Variants in NLRP5 observed in about 807,000 individuals in gnomAD.
NLRP5 encodes NLR family pyrin domain containing 5.
In NLRP5, 93 loss-of-function variants were observed where a neutral mutation model predicts 113.1. The ratio of observed to expected loss-of-function variants is 0.82; its 90% CI spans 0.70 to 0.98. NLRP5 has a LOEUF of 0.98. Ranked by LOEUF, NLRP5 falls within the 50% of genes least tolerant of loss-of-function variation. The probability of loss-of-function intolerance (pLI) is 0.00; values close to 1 mark genes in which losing one functional copy is unlikely to be tolerated. For missense variants in NLRP5, 1,808 were observed against 1,514.3 expected (o/e 1.19, Z -3.22); for synonymous variants, 751 against 600.7 (o/e 1.25, Z -3.66).
intron 6 of NLRP5, among the ~76,000 whole-genome samples, chr19:56,024,788 A>G (rs972534527): frequency 2.6e-5 from 4 of 152,048 alleles, no homozygotes; most frequent in African/African-American, 9.7e-5. Flanking sequence ...AGGTGGGGAA[A>G]CTGAACAGCA....
At chr19:55,994,108 C>T in the NLRP5 span, among the ~76,000 whole-genome samples, 1 of 152,104 alleles carries the variant, frequency 6.6e-6, no homozygotes, top group African/African-American at 2.4e-5. Flanking sequence ...GAGTTTCTTT[C>T]TCTGCATCCT....
intron 12 of NLRP5, among the ~76,000 whole-genome samples, chr19:56,052,535 G>A (rs1228557749): frequency 1.3e-5 from 2 of 152,174 alleles, no homozygotes; most frequent in African/African-American, 2.4e-5. Flanking sequence ...CTCCCAAAGT[G>A]CTGGGATTAG....
chr19:56,006,597 T>G (rs987335148), intron 2 of NLRP5, among the ~76,000 whole-genome samples: 7 of 151,756 alleles, frequency 4.6e-5, no homozygotes, highest in Admixed American at 3.9e-4. Flanking sequence ...CCAGGCATGG[T>G]GGCACACACC....
chr19:55,999,623 T>C, upstream of NLRP5: 1 of 890,498 alleles, frequency 1.1e-6, no homozygotes, highest in Non-Finnish European at 1.9e-6. Context: ...GTTGCTTCAC[T>C]GAAACCTCAC....
chr19:56,018,631 G>C (rs2123291015), intron 4 of NLRP5: 1 of 152,222 alleles, frequency 6.6e-6, no homozygotes, highest in East Asian at 1.9e-4. Flanking sequence ...CTGTATTGCT[G>C]AGACTACAAT....
At chr19:55,987,109 C>G in the NLRP5 span, among the ~76,000 whole-genome samples, 8,916 of 152,324 alleles carry the variant, frequency 0.059, 362 homozygotes, top group Middle Eastern at 0.11. Context: ...TGGCTCACGC[C>G]TATAATCCCA....
chr19:55,998,053 T>C (rs772714838), upstream of NLRP5, among the ~76,000 whole-genome samples: 2 of 152,098 alleles, frequency 1.3e-5, no homozygotes, highest in Non-Finnish European at 2.9e-5. Context: ...CATGGTAGCA[T>C]ACACACACAC....
chr19:56,033,508 C>G, intron 8 of NLRP5, 34 bp from the exon 9 acceptor site: 3 of 1,534,834 alleles, frequency 2.0e-6, no homozygotes, highest in Non-Finnish European at 2.7e-6. Context: ...TAAACATCAC[C>G]AGTGTCGAAT....
chr19:55,998,897 C>T (rs903258973), upstream of NLRP5, among the ~76,000 whole-genome samples: 2 of 151,108 alleles, frequency 1.3e-5, no homozygotes, highest in Admixed American at 6.6e-5. Context: ...ATGTCCATTG[C>T]CTTAGTTACT....
At chr19:56,023,790 T>C (rs1982708726) in intron 6 of NLRP5, among the ~76,000 whole-genome samples, 1 of 152,214 alleles carries the variant, frequency 6.6e-6, no homozygotes, top group South Asian at 2.1e-4. Flanking sequence ...GGAACCCATC[T>C]TGGACTGATT....
At chr19:56,011,097 G>A (rs918549822) in intron 3 of NLRP5, among the ~76,000 whole-genome samples, 1 of 151,998 alleles carries the variant, frequency 6.6e-6, no homozygotes, top group Non-Finnish European at 1.5e-5. Flanking sequence ...AGGCTGCATT[G>A]AGCCATGATT....
At chr19:56,028,566 G>C in intron 7 of NLRP5, 57 bp downstream of exon 7, 1 of 1,492,628 alleles carries the variant, frequency 6.7e-7, no homozygotes, top group Non-Finnish European at 9.1e-7. Flanking sequence ...TGTCTCTACT[G>C]CTGGGACTTG....
Position 56,039,849 on chromosome 19 carries a change from G to A in NLRP5, c.2787-1073G>A, listed in dbSNP as rs140669482. ...GACTCACTTAAACCCGGGAGGCGTA[G>A]GTTGTGGTGAGCCAAGGTCACGCCA... On this transcript the variant is annotated intron_variant, in intron 10 of 14. Coordinates refer to ENST00000390649, the MANE Select transcript of NLRP5 (RefSeq NM_153447.4). Among the ~76,000 whole-genome samples, 254 of 152,276 alleles carry A rather than the reference G, an allele frequency of 1.7e-3. 1 individual carries two copies. Among genetic ancestry groups the A allele is most frequent in the African/African-American group, 5.3e-3 (220 of 41,562 alleles).
intron 11 of NLRP5, among the ~76,000 whole-genome samples, chr19:56,042,957 C>T (rs1298534869): frequency 6.9e-6 from 1 of 144,844 alleles, no homozygotes; most frequent in Non-Finnish European, 1.5e-5. Context: ...CATAGTATTC[C>T]ATCATATATG....
intron 2 of NLRP5, among the ~76,000 whole-genome samples, chr19:56,005,300 CAT>C (rs796298697): frequency 6.4e-4 from 94 of 145,958 alleles, no homozygotes; most frequent in South Asian, 1.7e-3. Flanking sequence ...TATATATACA[CAT>C]ATATATTTAT....
chr19:56,013,605 T>TTTTTTTTTTTTTTG (rs1982294036), intron 3 of NLRP5, among the ~76,000 whole-genome samples: 2 of 137,852 alleles, frequency 1.5e-5, no homozygotes, highest in African/African-American at 5.6e-5. Context: ...GGTTTTTTTT[T>TTTTTTTTTTTTTTG]TTTTTTTTTT....
chr19:56,011,351 G>C (rs1199179339), intron 3 of NLRP5, among the ~76,000 whole-genome samples: 1 of 152,022 alleles, frequency 6.6e-6, no homozygotes, highest in Non-Finnish European at 1.5e-5. Flanking sequence ...GGGAAACTTA[G>C]AGGGTGAGGA....
intron 11 of NLRP5, among the ~76,000 whole-genome samples, chr19:56,048,985 T>TA (rs1169607979): frequency 8.3e-4 from 110 of 132,744 alleles, no homozygotes; most frequent in African/African-American, 2.7e-3. Flanking sequence ...TTTAATTTTT[T>TA]TTTTTTTTTT....
At chr19:56,008,492 G>A (rs12460564) in intron 2 of NLRP5, among the ~76,000 whole-genome samples, 48 of 151,940 alleles carry the variant, frequency 3.2e-4, no homozygotes, top group African/African-American at 1.0e-3. Context: ...TCTTGAGGAG[G>A]ACTCCTGAAA....
Sources: allele counts gnomAD v4.1 joint callset (sites outside exome capture counted in the v4.1 genomes callset), GRCh38; gene constraint gnomAD v4.1.1; transcripts MANE v1.5; gene names NCBI Gene and HGNC (gene_info 2026-07-23, HGNC 2026-07-21).